The following GNG2 variants were observed in gnomAD, a reference collection of about 807,000 sequenced individuals.
GNG2 encodes guanine nucleotide-binding protein G(I)/G(S)/G(O) subunit gamma-2.
GNG2 carries 5 observed loss-of-function variants against 5.5 expected under a neutral mutation model. That is an observed-to-expected ratio of 0.91 (90% CI 0.48 to 1.92). The LOEUF is 1.92. Ranked by LOEUF, GNG2 falls within the 30% of genes most tolerant of loss-of-function variation. The pLI is 0.01. For missense variants in GNG2, 55 were observed against 88.4 expected, an observed-to-expected ratio of 0.62 and a Z score of 1.52; for synonymous variants, 28 against 32.0, an observed-to-expected ratio of 0.88 and a Z score of 0.42.
intron 2 of GNG2, among the ~76,000 whole-genome samples, chr14:51,942,599 T>TC (rs1888404871): frequency 1.5e-5 from 2 of 134,152 alleles, no homozygotes; most frequent in African/African-American, 2.9e-5. Flanking sequence ...CTTTTTTTTT[T>TC]TTTTTTTAGA....
At chr14:51,888,250 A>G (rs1283613134) in intron 2 of GNG2, among the ~76,000 whole-genome samples, 1 of 152,158 alleles carries the variant, frequency 6.6e-6, no homozygotes, top group East Asian at 1.9e-4. Flanking sequence ...TTGTATTGGT[A>G]TACCACAATA....
intron 2 of GNG2, among the ~76,000 whole-genome samples, chr14:51,936,598 T>G (rs1888023468): frequency 6.6e-6 from 1 of 151,710 alleles, no homozygotes; most frequent in African/African-American, 2.4e-5. Context: ...TGGCCCAGGC[T>G]GGAGCGCAGT....
intron 2 of GNG2, among the ~76,000 whole-genome samples, chr14:51,891,477 C>A (rs1010203607): frequency 6.6e-6 from 1 of 152,166 alleles, no homozygotes; most frequent in Non-Finnish European, 1.5e-5. Flanking sequence ...ATATTAAAGA[C>A]TGTTAGTAGA....
At chr14:51,918,236 C>T (rs184503299) in intron 2 of GNG2, among the ~76,000 whole-genome samples, 120 of 152,258 alleles carry the variant, frequency 7.9e-4, no homozygotes, top group African/African-American at 2.3e-3. Context: ...CATGTTACCA[C>T]GCTGTCTTCA....
intron 2 of GNG2, among the ~76,000 whole-genome samples, chr14:51,943,526 T>C (rs74051362): frequency 0.019 from 2,897 of 152,314 alleles, 106 homozygotes; most frequent in African/African-American, 0.065. Context: ...CCCATTATGT[T>C]CACAAGGTGC....
At chr14:51,826,793 A>G (rs1165389528) in intron 1 of GNG2, among the ~76,000 whole-genome samples, 5 of 152,204 alleles carry the variant, frequency 3.3e-5, no homozygotes, top group African/African-American at 7.2e-5. Flanking sequence ...GTGAATTAGA[A>G]TGGTGAAGTT....
rs543553434 is a variant in GNG2, at chr14:51,848,876, C to A, written c.64+21069C>A. Among the ~76,000 whole-genome samples the A allele has an allele frequency of 1.3e-3, 203 of 152,254 alleles. 6 individuals are homozygous for A. The South Asian group carries it at 0.04, about 30-fold the overall frequency. On this transcript the variant is annotated intron_variant, in intron 2 of 3. Transcript: ENST00000553432. ...GAATGCTGAGGAATAGACACACTGA[C>A]CTCACTTTCTACCCGCTGGTCTAAC...
At chr14:51,935,917 C>G (rs1887975761) in intron 2 of GNG2, among the ~76,000 whole-genome samples, 1 of 152,130 alleles carries the variant, frequency 6.6e-6, no homozygotes, top group Non-Finnish European at 1.5e-5. Context: ...TTTGCAAAAT[C>G]AGAGTCATGG....
intron 2 of GNG2, among the ~76,000 whole-genome samples, chr14:51,909,859 C>A (rs1886190185): frequency 6.6e-6 from 1 of 152,186 alleles, no homozygotes; most frequent in Non-Finnish European, 1.5e-5. Context: ...AGCCTACAAC[C>A]ATTCCTTTCT....
At chr14:51,943,704 G>A (rs942642736) in intron 2 of GNG2, among the ~76,000 whole-genome samples, 1 of 152,114 alleles carries the variant, frequency 6.6e-6, no homozygotes, top group Non-Finnish European at 1.5e-5. Flanking sequence ...TCCATTAACA[G>A]TAGCATCAAA....
chr14:51,859,720 G>T (rs527931677), upstream of GNG2, among the ~76,000 whole-genome samples: 2 of 152,300 alleles, frequency 1.3e-5, no homozygotes, highest in East Asian at 3.9e-4. Flanking sequence ...GAGACAGCTT[G>T]CAGGCTCTAC....
intron 2 of GNG2, among the ~76,000 whole-genome samples, chr14:51,849,929 C>T (rs1351346452): frequency 6.6e-6 from 1 of 151,802 alleles, no homozygotes; most frequent in Non-Finnish European, 1.5e-5. Context: ...CCCACTTTAG[C>T]CTCCCAAGTA....
At chr14:51,862,619 C>G (rs1479776996) in intron 1 of GNG2, among the ~76,000 whole-genome samples, 2 of 152,272 alleles carry the variant, frequency 1.3e-5, no homozygotes, top group African/African-American at 2.4e-5. Context: ...CACAGACAAT[C>G]TGCATTAGTC....
At chr14:51,928,493 C>T (rs866396814) in intron 2 of GNG2, among the ~76,000 whole-genome samples, 30 of 152,232 alleles carry the variant, frequency 2.0e-4, no homozygotes, top group African/African-American at 3.9e-4. Flanking sequence ...TGCGCCACAA[C>T]TGTTGCCAGC....
At chr14:51,923,241 T>G (rs1319406349) in intron 2 of GNG2, among the ~76,000 whole-genome samples, 1 of 151,744 alleles carries the variant, frequency 6.6e-6, no homozygotes, top group Non-Finnish European at 1.5e-5. Context: ...GTGCCCAGAG[T>G]GAGAGGGAGC....
intron 2 of GNG2, among the ~76,000 whole-genome samples, chr14:51,907,676 T>A (rs1396246701): frequency 6.6e-6 from 1 of 152,222 alleles, no homozygotes; most frequent in African/African-American, 2.4e-5. Flanking sequence ...AAGGTAGAAG[T>A]CTTTTTTAAA....
chr14:51,835,530 A>G (rs765213502), intron 2 of GNG2, among the ~76,000 whole-genome samples: 1 of 152,104 alleles, frequency 6.6e-6, no homozygotes, highest in Non-Finnish European at 1.5e-5. Flanking sequence ...CCTACCTTTG[A>G]TTTGAGATAT....
At chr14:51,952,431 C>T (rs1324806498) in intron 3 of GNG2, among the ~76,000 whole-genome samples, 3 of 152,118 alleles carry the variant, frequency 2.0e-5, no homozygotes, top group Non-Finnish European at 2.9e-5. Flanking sequence ...CAGGTGGGCA[C>T]AATACCTGCT....
intron 1 of GNG2, chr14:51,826,375 T>A (rs1289558477): frequency 6.6e-6 from 1 of 152,224 alleles, no homozygotes; most frequent in African/African-American, 2.4e-5. Flanking sequence ...GCATTAGGTA[T>A]TATAAGTAAT....
Sources: allele counts gnomAD v4.1 joint callset (sites outside exome capture counted in the v4.1 genomes callset), GRCh38; gene constraint gnomAD v4.1.1; transcripts MANE v1.5; gene names NCBI Gene and HGNC (gene_info 2026-07-23, HGNC 2026-07-21).